CDH18: variants seen among roughly 807,000 people sequenced by gnomAD.
CDH18 encodes the protein cadherin-18.
CDH18 carries 31 observed loss-of-function variants against 67.9 expected under a neutral mutation model. The observed-to-expected ratio is 0.46, with a 90% CI of 0.34 to 0.62. The LOEUF (loss-of-function observed/expected upper bound fraction) is 0.62, where lower values mean the gene tolerates loss of function less well. CDH18 is among the 20% of genes least tolerant of loss of function. The pLI is 0.01. For synonymous variants in CDH18, 362 were observed against 347.2 expected (o/e 1.04, Z -0.48); for missense variants, 890 against 975.5 (o/e 0.91, Z 1.17).
At chr5:19,554,106 A>T (rs1419075700) in intron 8 of CDH18, among the ~76,000 whole-genome samples, 1 of 152,200 alleles carries the variant, frequency 6.6e-6, no homozygotes, top group Admixed American at 6.5e-5. Context: ...ACATAAAGTG[A>T]GTATTGTGCT....
chr5:20,350,165 C>CA (rs201856687), intron 1 of CDH18, among the ~76,000 whole-genome samples: 3,250 of 152,060 alleles, frequency 0.021, 82 homozygotes, highest in African/African-American at 0.055. Flanking sequence ...TCTTACATTA[C>CA]AAAAAAATTT....
At chr5:20,106,384 T>C (rs1216892190) in intron 2 of CDH18, among the ~76,000 whole-genome samples, 1 of 152,232 alleles carries the variant, frequency 6.6e-6, no homozygotes, top group Admixed American at 6.5e-5. Flanking sequence ...TTCACTGATT[T>C]ATTTTTCAGT....
At chr5:19,704,945 CTG>C (rs1491128029) in intron 5 of CDH18, among the ~76,000 whole-genome samples, 1 of 152,108 alleles carries the variant, frequency 6.6e-6, no homozygotes, top group African/African-American at 2.4e-5. Flanking sequence ...ATTTAAAAGA[CTG>C]TTTCTTTACT....
chr5:20,294,899 A>T (rs1561946651), intron 1 of CDH18, among the ~76,000 whole-genome samples: 1 of 152,278 alleles, frequency 6.6e-6, no homozygotes, highest in East Asian at 1.9e-4. Flanking sequence ...GTAAATATTG[A>T]CTCAGTATAG....
At chr5:20,112,915 A>T (rs899189551) in intron 2 of CDH18, among the ~76,000 whole-genome samples, 6 of 152,128 alleles carry the variant, frequency 3.9e-5, no homozygotes, top group Non-Finnish European at 5.9e-5. Context: ...ATGCTCTGAA[A>T]TTTTTCCCCA....
chr5:20,409,424 G>T (rs537932802), intron 1 of CDH18, among the ~76,000 whole-genome samples: 1 of 151,386 alleles, frequency 6.6e-6, no homozygotes, highest in Non-Finnish European at 1.5e-5. Context: ...CAACCAGGAG[G>T]TCAAAAAAGA....
At chr5:19,948,130 CAT>C (rs1359694567) in intron 2 of CDH18, among the ~76,000 whole-genome samples, 1 of 152,108 alleles carries the variant, frequency 6.6e-6, no homozygotes, top group Non-Finnish European at 1.5e-5. Context: ...TTGATGAAGA[CAT>C]AGAAAAACTG....
intron 5 of CDH18, among the ~76,000 whole-genome samples, chr5:19,714,787 T>C (rs185528310): frequency 6.6e-6 from 1 of 152,154 alleles, no homozygotes; most frequent in Admixed American, 6.6e-5. Flanking sequence ...AAACAATATA[T>C]ATTGTCATTA....
At chr5:20,237,970 T>C (rs1561901600) in intron 2 of CDH18, among the ~76,000 whole-genome samples, 2 of 151,960 alleles carry the variant, frequency 1.3e-5, no homozygotes, top group Admixed American at 6.6e-5. Flanking sequence ...AATAGATCAA[T>C]AGAACATCAC....
At chr5:19,527,667 C>T (rs1164619425) in intron 9 of CDH18, among the ~76,000 whole-genome samples, 3 of 151,694 alleles carry the variant, frequency 2.0e-5, no homozygotes, top group African/African-American at 7.2e-5. Flanking sequence ...GAGCATAACA[C>T]GTGTAGAAAT....
Position 20,040,488 on chromosome 5 carries a change from G to A in CDH18, c.-517-48474C>T, listed in dbSNP as rs150579902. The stretch of plus-strand genomic sequence containing the variant: ...TCAGAAAGTAAGCAAGATGTGTAAC[G>A]TTTTGAAATATGTCATGAAGATGGA... On this transcript the variant is annotated intron_variant, in intron 2 of 14. Coordinates refer to the CDH18 transcript ENST00000507958. 2.8e-3 allele frequency among the ~76,000 whole-genome samples: 433 copies of A among 152,138 alleles called. 1 individual carries two copies. The highest frequency in any genetic ancestry group is 9.2e-3 in the African/African-American group (382 of 41,512).
rs550994646 is a variant in CDH18, at chr5:20,109,500, C to T, written c.-517-117486G>A. On this transcript the variant is annotated intron_variant, in intron 2 of 14. Coordinates refer to the CDH18 transcript ENST00000507958. ...GGCAACACTCTATGCCCCAGAGGAA[C>T]GTGGCTCCGGGAAGGGAATGAGGGC... Among the ~76,000 whole-genome samples the T allele has an allele frequency of 1.4e-4, 22 of 152,250 alleles. No individual in the cohort carries two copies. The East Asian group carries it at 2.1e-3, about 15-fold the overall frequency.
At chr5:20,157,198 A>G (rs959197365) in intron 2 of CDH18, among the ~76,000 whole-genome samples, 21 of 152,152 alleles carry the variant, frequency 1.4e-4, no homozygotes, top group Admixed American at 6.6e-5. Flanking sequence ...AGAGTTTTTT[A>G]TTTAATATTT....
intron 2 of CDH18, among the ~76,000 whole-genome samples, chr5:20,007,100 A>G (rs2150409566): frequency 6.6e-6 from 1 of 152,104 alleles, no homozygotes; most frequent in Non-Finnish European, 1.5e-5. Flanking sequence ...ACTAAAGTAA[A>G]TAATAAATAT....
intron 6 of CDH18, among the ~76,000 whole-genome samples, chr5:19,597,616 C>A (rs973592059): frequency 2.6e-5 from 4 of 151,748 alleles, no homozygotes; most frequent in Admixed American, 6.6e-5. Flanking sequence ...GAAAAAAAAA[C>A]AAATAAAAAA....
chr5:19,625,850 G>T (rs1215142818), intron 5 of CDH18, among the ~76,000 whole-genome samples: 1 of 152,020 alleles, frequency 6.6e-6, no homozygotes. Context: ...GTGGAACTTG[G>T]GATTCAAACA....
chr5:19,506,749 T>C (rs1400317671), intron 10 of CDH18, among the ~76,000 whole-genome samples: 2 of 152,130 alleles, frequency 1.3e-5, no homozygotes, highest in Non-Finnish European at 2.9e-5. Flanking sequence ...ATACAAAAAT[T>C]AATTCAAGAT....
At chr5:19,761,995 G>A (rs1359583238) in intron 3 of CDH18, among the ~76,000 whole-genome samples, 1 of 152,152 alleles carries the variant, frequency 6.6e-6, no homozygotes, top group Non-Finnish European at 1.5e-5. Flanking sequence ...ATGGGGAAAG[G>A]ATTCCCTATT....
At chr5:19,634,249 T>G (rs2150192813) in intron 5 of CDH18, among the ~76,000 whole-genome samples, 1 of 152,328 alleles carries the variant, frequency 6.6e-6, no homozygotes, top group African/African-American at 2.4e-5. Context: ...CGTTGTTATT[T>G]ACTAAAGTCA....
Sources: allele counts gnomAD v4.1 joint callset (sites outside exome capture counted in the v4.1 genomes callset), GRCh38; gene constraint gnomAD v4.1.1; transcripts MANE v1.5; gene names NCBI Gene and HGNC (gene_info 2026-07-23, HGNC 2026-07-21).